The following VPS53 variants were observed in gnomAD, a reference collection of about 807,000 sequenced individuals.
VPS53 encodes the protein vacuolar protein sorting-associated protein 53 homolog.
Under a neutral mutation model 107.0 loss-of-function variants are expected in VPS53, and 70 were observed. The ratio of observed to expected loss-of-function variants is 0.65; its 90% confidence interval spans 0.54 to 0.80. VPS53 has a LOEUF of 0.80. Among genes scored for constraint, VPS53 ranks in the 30% least tolerant of loss-of-function variants. The probability of loss-of-function intolerance (pLI) is 0.00; values close to 1 mark genes in which losing one functional copy is unlikely to be tolerated. For missense variants in VPS53, 917 were observed against 1,049.4 expected, an observed-to-expected ratio of 0.87 and a Z score of 1.74; for synonymous variants, 409 against 393.3, an observed-to-expected ratio of 1.04 and a Z score of -0.47.
intron 12 of VPS53, among the ~76,000 whole-genome samples, chr17:587,799 C>T (rs1191924084): frequency 6.6e-6 from 1 of 152,176 alleles, no homozygotes. Context: ...TTGGCACCCA[C>T]AACATACTTG....
intron 2 of VPS53, among the ~76,000 whole-genome samples, chr17:710,307 C>A (rs911580270): frequency 5.3e-5 from 8 of 152,118 alleles, no homozygotes; most frequent in Admixed American, 2.0e-4. Flanking sequence ...TGGGAGGACT[C>A]TCACAACCTA....
intron 5 of VPS53, chr17:657,660 C>A (rs1267035411): frequency 2.9e-5 from 17 of 577,364 alleles, no homozygotes; most frequent in Admixed American, 1.2e-4. Context: ...AAGGGAGTGC[C>A]CTGGATACCA....
chr17:536,883 G>A (rs1484746651), intron 18 of VPS53, 145 bp downstream of exon 18: 1 of 1,016,714 alleles, frequency 9.8e-7, no homozygotes, highest in African/African-American at 1.6e-5. Flanking sequence ...TCGGTAATGG[G>A]AAGACTGTGC....
At chr17:545,324 C>A (rs1351631124) in intron 17 of VPS53, among the ~76,000 whole-genome samples, 1 of 152,190 alleles carries the variant, frequency 6.6e-6, no homozygotes, top group South Asian at 2.1e-4. Context: ...CAGGGCCACA[C>A]CCCCGCGGGC....
chr17:542,884 A>G (rs2151823581), intron 17 of VPS53, among the ~76,000 whole-genome samples: 1 of 152,090 alleles, frequency 6.6e-6, no homozygotes, highest in Non-Finnish European at 1.5e-5. Flanking sequence ...AGGCTGAGGC[A>G]GGAGAATCAC....
intron 1 of VPS53, among the ~76,000 whole-genome samples, chr17:712,503 T>C (rs932865503): frequency 1.3e-5 from 2 of 152,062 alleles, no homozygotes; most frequent in Admixed American, 6.5e-5. Flanking sequence ...GCAATGACTC[T>C]GGGACTTCAT....
At chr17:620,430 T>C (rs769441371) in intron 11 of VPS53, among the ~76,000 whole-genome samples, 3 of 152,106 alleles carry the variant, frequency 2.0e-5, no homozygotes, top group Admixed American at 1.3e-4. Flanking sequence ...GAGGTGAAGG[T>C]TGAACAAGTG....
intron 12 of VPS53, among the ~76,000 whole-genome samples, chr17:591,214 C>T (rs1225115169): frequency 1.3e-4 from 20 of 152,242 alleles, no homozygotes; most frequent in Admixed American, 2.6e-4. Flanking sequence ...TCTGTGGGAT[C>T]GGTGGTGATA....
chr17:662,751 G>GAAAGAA (rs756253727), intron 4 of VPS53, among the ~76,000 whole-genome samples: 1 of 79,908 alleles, frequency 1.3e-5, no homozygotes, highest in Admixed American at 1.6e-4. Context: ...GACAAAGAAA[G>GAAAGAA]AGAAAGAAAG....
At chr17:565,699 C>G (rs554621466) in intron 13 of VPS53, among the ~76,000 whole-genome samples, 1 of 151,786 alleles carries the variant, frequency 6.6e-6, no homozygotes, top group African/African-American at 2.4e-5. Context: ...GGCCTACTCC[C>G]GGTCAGTGGG....
intron 15 of VPS53, among the ~76,000 whole-genome samples, chr17:557,567 C>T (rs1247315816): frequency 6.6e-6 from 1 of 152,098 alleles, no homozygotes; most frequent in Non-Finnish European, 1.5e-5. Flanking sequence ...TCTGATTCAT[C>T]TTGTAGATTT....
intron 13 of VPS53, among the ~76,000 whole-genome samples, chr17:582,411 C>A (rs1483790498): frequency 6.9e-6 from 1 of 143,966 alleles, no homozygotes; most frequent in African/African-American, 2.5e-5. Context: ...TCCCTCAGGA[C>A]CTCAATGCGT....
Position 512,162 on chromosome 17 carries a change from AT to A in VPS53, c.*6965del, listed in dbSNP as rs1476838318. 1 of 152,186 alleles carries A rather than the reference AT, an allele frequency of 6.6e-6. No individual in the cohort carries two copies. The highest frequency in any genetic ancestry group is 1.5e-5 in the Non-Finnish European group (1 of 68,044). The allele number at this position is 152,186 out of a possible 1,614,324, so 9.4% of individuals were successfully genotyped here. On this transcript the variant is annotated 3_prime_UTR_variant, in exon 22 of 22. Transcript: ENST00000437048. ...GATGTAGCCTGCACACGGCCGCAGG[AT>A]TTGTCACCACTCATCCATGTTTAAA...
intron 4 of VPS53, among the ~76,000 whole-genome samples, chr17:668,029 A>C (rs1401482247): frequency 6.6e-6 from 1 of 152,184 alleles, no homozygotes; most frequent in African/African-American, 2.4e-5. Context: ...ACTGTCTTCC[A>C]AAAAACTGCT....
chr17:608,512 G>A (rs1247511751), intron 11 of VPS53, among the ~76,000 whole-genome samples: 1 of 152,086 alleles, frequency 6.6e-6, no homozygotes, highest in Non-Finnish European at 1.5e-5. Flanking sequence ...ACCTCCAGGG[G>A]GAGGGATATA....
chr17:555,584 C>T (rs543033031), intron 15 of VPS53, among the ~76,000 whole-genome samples: 2 of 152,308 alleles, frequency 1.3e-5, no homozygotes, highest in African/African-American at 4.8e-5. Context: ...ATCCACCCAC[C>T]TCGGCCTCCC....
intron 12 of VPS53, among the ~76,000 whole-genome samples, chr17:597,730 T>C (rs1366496610): frequency 6.6e-6 from 1 of 151,930 alleles, no homozygotes; most frequent in Admixed American, 6.6e-5. Context: ...TTAGTATGGT[T>C]TCACCATGTT....
Position 553,476 on chromosome 17 carries a change from G to A in VPS53, c.1705-14C>T. ...TTTTTCTTCTAGCTGTTGAAAAACA[G>A]AAGAAATGGATGCACGGTTAATGAT... On this transcript the variant is annotated splice_polypyrimidine_tract_variant and intron_variant, in intron 15 of 21. Coordinates refer to ENST00000437048, the MANE Select transcript of VPS53 (RefSeq NM_001128159.3). 1.9e-6 allele frequency: 3 copies of A among 1,589,272 alleles called. No homozygotes were observed. Among genetic ancestry groups the A allele is most frequent in the Non-Finnish European group, 2.6e-6 (3 of 1,158,414 alleles).
intron 7 of VPS53, among the ~76,000 whole-genome samples, chr17:643,207 A>AG (rs1418530813): frequency 1.0e-4 from 5 of 47,892 alleles, no homozygotes; most frequent in African/African-American, 1.6e-4. Flanking sequence ...ATACTTGGCA[A>AG]CTGAGGACAA....
Sources: gnomAD v4.1 joint callset for allele counts (sites outside exome capture counted in the v4.1 genomes callset) on GRCh38, gnomAD v4.1.1 for gene constraint, MANE v1.5 for transcripts, NCBI Gene and HGNC (gene_info 2026-07-23, HGNC 2026-07-21) for gene names.